Variants in DIS3L2 observed in about 807,000 individuals in gnomAD.
DIS3L2 encodes the protein DIS3 like 3'-5' exoribonuclease 2.
In DIS3L2, 34 loss-of-function variants were observed where a neutral mutation model predicts 97.5. That is an observed-to-expected ratio of 0.35 (90% CI 0.27 to 0.46). The LOEUF is 0.46. Ranked by LOEUF, DIS3L2 falls within the 20% of genes least tolerant of loss-of-function variation. The pLI is 1.00. For synonymous variants in DIS3L2, 435 were observed against 445.2 expected, an observed-to-expected ratio of 0.98 and a Z score of 0.29; for missense variants, 1,038 against 1,146.0, an observed-to-expected ratio of 0.91 and a Z score of 1.36.
chr2:232,238,461 A>G, intron 10 of DIS3L2, 72 bp from the exon 11 acceptor site: 1 of 1,283,720 alleles, frequency 7.8e-7, no homozygotes, highest in Non-Finnish European at 1.1e-6. Context: ...CATACATTCT[A>G]GGAAAGGACT....
chr2:232,136,686 T>C lies in DIS3L2; in HGVS notation c.917T>C (p.Val306Ala), dbSNP rs1698368187. 6.2e-7 allele frequency: 1 copy of C among 1,613,952 alleles called. No homozygotes were observed. The highest frequency in any genetic ancestry group is 8.5e-7 in the Non-Finnish European group (1 of 1,179,906). The change falls in exon 8 of 21, where the codon GTG becomes GCG. Residue 306 changes from valine to alanine, a missense_variant. Val to Ala is a moderately conservative substitution (Grantham distance 64, BLOSUM62 0). Around this residue, in one of 3 missense-constraint regions of DIS3L2, gnomAD observed 813 missense variants for 880.1 expected, o/e 0.92. Coordinates refer to ENST00000325385, the MANE Select transcript of DIS3L2 (RefSeq NM_152383.5). ...YANTLFICRI[V>A]DWKEDCNFAL... ...AACACACTGTTCATCTGCCGCATTG[T>C]GGACTGGAAGGAGGACTGCAATTTT... is the stretch of plus-strand genomic sequence containing the variant.
chr2:232,103,316 A>G (rs1186532722), intron 6 of DIS3L2, among the ~76,000 whole-genome samples: 3 of 152,144 alleles, frequency 2.0e-5, no homozygotes, highest in Non-Finnish European at 4.4e-5. Context: ...CCAGACTTTA[A>G]TGGGAATGCT....
At chr2:232,012,255 A>G (rs1195594100) in intron 1 of DIS3L2, among the ~76,000 whole-genome samples, 2 of 152,196 alleles carry the variant, frequency 1.3e-5, no homozygotes, top group East Asian at 3.9e-4. Flanking sequence ...GGGAGCTGCC[A>G]GAGTTACAAT....
intron 6 of DIS3L2, among the ~76,000 whole-genome samples, chr2:232,092,963 T>G (rs1429034744): frequency 6.6e-6 from 1 of 152,206 alleles, no homozygotes; most frequent in Non-Finnish European, 1.5e-5. Context: ...ATTCTTGTTG[T>G]GTTCCAGACC....
intron 4 of DIS3L2, among the ~76,000 whole-genome samples, chr2:232,027,376 C>A (rs987905990): frequency 2.6e-5 from 4 of 152,062 alleles, no homozygotes; most frequent in African/African-American, 9.7e-5. Context: ...CTAATTGTTA[C>A]CGGCTTAAGC....
intron 1 of DIS3L2, among the ~76,000 whole-genome samples, chr2:231,993,766 T>G (rs1338470543): frequency 6.6e-6 from 1 of 150,444 alleles, no homozygotes; most frequent in Non-Finnish European, 1.5e-5. Flanking sequence ...CAACTGCATT[T>G]TTTTTTTTTT....
intron 14 of DIS3L2, among the ~76,000 whole-genome samples, chr2:232,314,204 T>G (rs544235993): frequency 6.6e-6 from 1 of 152,348 alleles, no homozygotes; most frequent in South Asian, 2.1e-4. Flanking sequence ...TTCTCCAGCC[T>G]GTGCTGTCAT....
intron 6 of DIS3L2, among the ~76,000 whole-genome samples, chr2:232,106,426 A>C (rs1046049576): frequency 1.3e-5 from 2 of 152,246 alleles, no homozygotes; most frequent in African/African-American, 4.8e-5. Context: ...AGTTTCCAAC[A>C]AAACAGACTT....
chr2:232,116,187 TAAATAA>T lies in DIS3L2; in HGVS notation c.602-14430_602-14425del, dbSNP rs1341018104. 1.2e-3 allele frequency among the ~76,000 whole-genome samples: 156 copies of T among 134,792 alleles called. 4 individuals are homozygous for T. Among genetic ancestry groups the T allele is most frequent in the Non-Finnish European group, 3.1e-4 (19 of 60,472 alleles). The allele number at this position is 134,792 out of a possible 152,430, so 88.4% of individuals were successfully genotyped here. ...ACTTGGTCTTAAATAAATAAATGAA[TAAATAA>T]ATAAATAAATAAATAAATAAATAAA... On this transcript the variant is annotated intron_variant, in intron 6 of 20. Coordinates refer to ENST00000325385, the MANE Select transcript of DIS3L2 (RefSeq NM_152383.5).
chr2:232,096,126 G>A (rs1040978982), intron 6 of DIS3L2, among the ~76,000 whole-genome samples: 8 of 141,970 alleles, frequency 5.6e-5, no homozygotes, highest in Non-Finnish European at 9.1e-5. Context: ...TCGCTCTGTC[G>A]CCCAGGCTGG....
At position 232,163,572 on chromosome 2, in the gene DIS3L2, T is replaced by A. The variant is rs1407767270; in HGVS notation, c.1064T>A (p.Leu355His). 1 of 1,614,030 alleles carries A rather than the reference T, an allele frequency of 6.2e-7. No individual in the cohort carries two copies. Among genetic ancestry groups the A allele is most frequent in the Non-Finnish European group, 8.5e-7 (1 of 1,180,036 alleles). The change falls in exon 9 of 21, where the codon CTT (leucine) becomes CAT (histidine). Residue 355 changes from leucine (L) to histidine (H), a missense_variant. By Grantham distance (99) the Leu-to-His change is moderately conservative. Around this residue, in one of 3 missense-constraint regions of DIS3L2, gnomAD observed 813 missense variants for 880.1 expected, o/e 0.92. Transcript: ENST00000325385. Reference protein sequence around the residue: ...SDFSSEVLECLPQGLPWTIPP... With the variant: ...SDFSSEVLECHPQGLPWTIPP... ...TTCTCTTCAGAAGTTCTAGAATGTC[T>A]TCCTCAAGGCCTGCCATGGACAATT...
intron 13 of DIS3L2, among the ~76,000 whole-genome samples, chr2:232,294,460 G>A (rs1030789329): frequency 6.6e-6 from 1 of 152,150 alleles, no homozygotes. Context: ...ACACCAGTAG[G>A]GACATACTTT....
At chr2:232,091,486 AT>A (rs1189877919) in intron 6 of DIS3L2, among the ~76,000 whole-genome samples, 3 of 151,920 alleles carry the variant, frequency 2.0e-5, no homozygotes, top group South Asian at 4.2e-4. Context: ...ACAGGATCAC[AT>A]TTTTTTTAAA....
chr2:232,208,318 T>TTTTTGTGTTTTG (rs1692089059), intron 9 of DIS3L2, among the ~76,000 whole-genome samples: 1 of 151,790 alleles, frequency 6.6e-6, no homozygotes, highest in South Asian at 2.1e-4. Context: ...CCCTTTTTTG[T>TTTTTGTGTTTTG]TTTTGTGTTT....
rs1177637111 is a variant in DIS3L2 at position 232,325,841 on chromosome 2, G to A, written c.1740-3972G>A. Among the ~76,000 whole-genome samples the A allele has an allele frequency of 6.6e-6, 1 of 152,228 alleles. No individual in the cohort carries two copies. The highest frequency in any genetic ancestry group is 1.5e-5 in the Non-Finnish European group (1 of 68,026). ...CACGCCTGTGCCCCTGGTGCTGGGA[G>A]GAGTGGGGTGACACTAGGGCCAGTG... On this transcript the variant is annotated intron_variant, in intron 14 of 20. Transcript: ENST00000325385. The surrounding 1 kb of genome is among the most constrained non-coding windows in gnomAD (Gnocchi z 4.6).
intron 14 of DIS3L2, among the ~76,000 whole-genome samples, chr2:232,311,292 C>T (rs1695125646): frequency 6.6e-6 from 1 of 152,220 alleles, no homozygotes; most frequent in Non-Finnish European, 1.5e-5. Context: ...TTCTGTAGTG[C>T]ACATACTGGA....
At chr2:232,046,375 A>G (rs540155573) in intron 5 of DIS3L2, among the ~76,000 whole-genome samples, 1 of 152,328 alleles carries the variant, frequency 6.6e-6, no homozygotes. Context: ...CCACTGAATG[A>G]GAATTTGCAT....
chr2:231,989,904 G>T (rs900728337), intron 1 of DIS3L2, among the ~76,000 whole-genome samples: 3 of 152,028 alleles, frequency 2.0e-5, no homozygotes, highest in African/African-American at 7.3e-5. Flanking sequence ...TAGAGACAAG[G>T]GTCAATGAAA....
At chr2:232,047,615 C>T (rs3116236) in intron 5 of DIS3L2, among the ~76,000 whole-genome samples, 141,716 of 152,302 alleles carry the variant, frequency 0.93, 66,012 homozygotes, top group East Asian at 1. Flanking sequence ...GTATACAGTT[C>T]TGTGGTTTTA....
Sources: allele counts gnomAD v4.1 joint callset (sites outside exome capture counted in the v4.1 genomes callset), GRCh38; gene constraint gnomAD v4.1.1; regional missense constraint gnomAD v4.1.1; non-coding constraint Gnocchi (gnomAD v3.1); transcripts MANE v1.5; gene names NCBI Gene and HGNC (gene_info 2026-07-23, HGNC 2026-07-21).